The following SLC9A3 variants were observed in gnomAD, a reference collection of about 807,000 sequenced individuals.
The protein encoded by SLC9A3 is sodium/hydrogen exchanger 3.
SLC9A3 carries 37 observed loss-of-function variants against 86.8 expected under a neutral mutation model. That is an observed-to-expected ratio of 0.43 (90% CI 0.33 to 0.56). The LOEUF (loss-of-function observed/expected upper bound fraction) is 0.56, where lower values mean the gene tolerates loss of function less well. SLC9A3 is among the 20% of genes least tolerant of loss of function. The pLI is 0.06. For synonymous variants in SLC9A3, 581 were observed against 528.3 expected, an observed-to-expected ratio of 1.10 and a Z score of -1.37; for missense variants, 1,011 against 1,171.9, an observed-to-expected ratio of 0.86 and a Z score of 2.00.
intron 1 of SLC9A3, 91 bp downstream of exon 1, chr5:524,021 C>G: frequency 1.2e-6 from 1 of 864,158 alleles, no homozygotes; most frequent in Non-Finnish European, 1.6e-6. Flanking sequence ...GCGGCTCCGA[C>G]CTGATGCGCG....
rs557394751 is a variant in SLC9A3, at chr5:496,444, G to C, written c.212-4373C>G. ...GCGTGAACGACCCCGTTCTGTGAAAGTGTCGGCTTGCTCCCCTGCCGGGCA... is the reference window on the plus strand; with the variant it reads ...GCGTGAACGACCCCGTTCTGTGAAACTGTCGGCTTGCTCCCCTGCCGGGCA... On this transcript the variant is annotated intron_variant, in intron 1 of 16. Transcript: ENST00000264938. The surrounding 1 kb of genome is among the most constrained non-coding windows in gnomAD (Gnocchi z 4.7). Among the ~76,000 whole-genome samples the C allele has an allele frequency of 6.6e-6, 1 of 152,254 alleles. No homozygotes were observed. The highest frequency in any genetic ancestry group is 1.5e-5 in the Non-Finnish European group (1 of 68,048).
At chr5:476,463 C>G in intron 12 of SLC9A3, 80 bp downstream of exon 12, 1 of 1,604,136 alleles carries the variant, frequency 6.2e-7, no homozygotes, top group Non-Finnish European at 8.5e-7. Context: ...CACGGATCCC[C>G]CGTGGTCCCA....
chr5:516,348 G>A (rs1018728697), intron 1 of SLC9A3, among the ~76,000 whole-genome samples: 1 of 152,078 alleles, frequency 6.6e-6, no homozygotes, highest in Admixed American at 6.5e-5. Context: ...TGCCCAGAGC[G>A]CTGGCTGCTG....
intron 9 of SLC9A3, among the ~76,000 whole-genome samples, chr5:481,349 C>T (rs552003530): frequency 1.3e-5 from 2 of 152,310 alleles, no homozygotes; most frequent in East Asian, 3.9e-4. Flanking sequence ...AGCTCCTGTC[C>T]CCTCACTCGG....
chr5:480,309 C>T, intron 9 of SLC9A3: 1 of 236,066 alleles, frequency 4.2e-6, no homozygotes, highest in East Asian at 1.1e-4. Context: ...GACAGACACC[C>T]TGAGCCCTTA....
intron 1 of SLC9A3, among the ~76,000 whole-genome samples, chr5:494,772 A>G (rs956158721): frequency 5.9e-5 from 9 of 151,966 alleles, no homozygotes; most frequent in Admixed American, 5.9e-4. Flanking sequence ...GCTGCTGGCG[A>G]CGAGTGCCTA....
In SLC9A3 at chr5:476,297, G is replaced by T; in HGVS notation, c.1972C>A (p.Arg658=). 6.2e-7 allele frequency: 1 copy of T among 1,613,884 alleles called. No homozygotes were observed. Among genetic ancestry groups the T allele is most frequent in the Non-Finnish European group, 8.5e-7 (1 of 1,179,964 alleles). ...QDREIFHRTM[R]KRLESFKSTK... is the part of the protein sequence containing the mutation. ...GACTTGAAGGACTCCAGGCGCTTCC[G>T]CATGGTCCTGTGGAAGATTTCCCGG... Residue 658 remains arginine (R), a synonymous_variant, in exon 13 of 17, where the codon CGG becomes AGG. Coordinates refer to ENST00000264938, the MANE Select transcript of SLC9A3 (RefSeq NM_004174.4).
intron 1 of SLC9A3, among the ~76,000 whole-genome samples, chr5:518,672 G>A (rs578248249): frequency 1.3e-5 from 2 of 152,294 alleles, no homozygotes; most frequent in South Asian, 2.1e-4. Context: ...TGGAGAAGCC[G>A]GCAGTGGGGG....
chr5:507,076 A>AT (rs1740615591), intron 1 of SLC9A3, among the ~76,000 whole-genome samples: 5 of 88,408 alleles, frequency 5.7e-5, no homozygotes, highest in Non-Finnish European at 9.5e-5. Context: ...TACTGTCTCA[A>AT]AAAATAAATA....
At chr5:512,145 G>T (rs931402469) in intron 1 of SLC9A3, among the ~76,000 whole-genome samples, 1 of 152,170 alleles carries the variant, frequency 6.6e-6, no homozygotes, top group Non-Finnish European at 1.5e-5. Flanking sequence ...AGATTTTTAG[G>T]GCAGTGAAGC....
Position 524,132 on chromosome 5 carries a change from A to G in SLC9A3, c.191T>C (p.Val64Ala). 2 of 1,528,108 alleles carry G rather than the reference A, an allele frequency of 1.3e-6. No individual in the cohort carries two copies. Among genetic ancestry groups the G allele is most frequent in the South Asian group, 1.2e-5 (1 of 81,408 alleles). The allele number at this position is 1,528,108 out of a possible 1,614,324, so 94.7% of individuals were successfully genotyped here. ...CTTACCGATCTTGGCCAAGCTGGCC[A>G]CGAGGATCCAGAGCGCGATGACGTA... ...DPYVIALWIL[V>A]ASLAKIGFHL... Residue 64 changes from valine to alanine, a missense_variant, in exon 1 of 17, where the codon GTG (valine) becomes GCG (alanine). By Grantham distance (64) the Val-to-Ala change is moderately conservative. This residue lies in a region of SLC9A3 where 565 missense variants were observed against 790.0 expected (regional missense o/e 0.72). Coordinates refer to ENST00000264938, the MANE Select transcript of SLC9A3 (RefSeq NM_004174.4).
Position 475,144 on chromosome 5 carries a change from G to A in SLC9A3, c.2252-12C>T, listed in dbSNP as rs997996365. On this transcript the variant is annotated splice_polypyrimidine_tract_variant and intron_variant, in intron 15 of 16. Transcript: ENST00000264938. ...AGGGTTGTCAATTCCTAGGAGAGAG[G>A]GCAGCGGCTAGTCAGCCTTCGGAGA... 3 of 1,562,732 alleles carry A rather than the reference G, an allele frequency of 1.9e-6. No homozygotes were observed. Among genetic ancestry groups the A allele is most frequent in the South Asian group, 1.2e-5 (1 of 85,290 alleles).
chr5:482,077 C>G lies in SLC9A3; in HGVS notation c.1437G>C (p.Leu479=). The G allele has an allele frequency of 6.4e-7, 1 of 1,572,184 alleles. No individual in the cohort carries two copies. Among genetic ancestry groups the G allele is most frequent in the Non-Finnish European group, 8.7e-7 (1 of 1,150,022 alleles). The part of the protein sequence containing the change: ...EHREPRLNEK[L]HGRAFDHILS... ...CCAGCCCCGCACTTACGCGCCCGTG[C>G]AGCTTCTCGTTGAGCCGAGGTTCCC... is the stretch of plus-strand genomic sequence containing the variant. The change falls in exon 8 of 17, where the codon CTG becomes CTC. Residue 479 remains leucine (L), a synonymous_variant. Transcript: ENST00000264938.
chr5:479,866 G>C lies in SLC9A3; in HGVS notation c.1617C>G (p.Asn539Lys), dbSNP rs1410981305. The C allele has an allele frequency of 6.2e-7, 1 of 1,613,842 alleles. No homozygotes were observed. The highest frequency in any genetic ancestry group is 1.7e-5 in the Admixed American group (1 of 60,022). Residue 539 changes from asparagine (N) to lysine (K), a missense_variant, in exon 10 of 17, where the codon AAC (asparagine) becomes AAG (lysine). Around this residue, in one of 3 missense-constraint regions of SLC9A3, gnomAD observed 565 missense variants for 790.0 expected, o/e 0.72. Transcript: ENST00000264938. ...DRILNVFHEL[N>K]LKDAISYVAE... Reference sequence around the variant, plus strand: ...CCACGTAGCTGATGGCATCCTTCAGGTTCAGCTCGTGGAAGACATTCAGGA... The same window carrying C: ...CCACGTAGCTGATGGCATCCTTCAGCTTCAGCTCGTGGAAGACATTCAGGA...
In SLC9A3 at chr5:504,900, G is replaced by A. The variant is rs369364483; in HGVS notation, c.212-12829C>T. Among the ~76,000 whole-genome samples the A allele has an allele frequency of 1.9e-3, 296 of 152,008 alleles. 3 individuals carry two copies. The Middle Eastern group carries it at 0.024, about 12-fold the overall frequency. ...GGCTAGCAAAGTGGCTCCCAGACCCGGACGCCTGTGCCTGGAAGAGCAGCA... is the reference window on the plus strand; with the variant it reads ...GGCTAGCAAAGTGGCTCCCAGACCCAGACGCCTGTGCCTGGAAGAGCAGCA... On this transcript the variant is annotated intron_variant, in intron 1 of 16. Transcript: ENST00000264938.
At chr5:490,919 A>C (rs1579792845) in intron 2 of SLC9A3, among the ~76,000 whole-genome samples, 2 of 152,260 alleles carry the variant, frequency 1.3e-5, no homozygotes, top group East Asian at 3.9e-4. Flanking sequence ...GTGCTGGGTG[A>C]GGCGGCCCCA....
In SLC9A3 at chr5:471,968, G is replaced by A; in HGVS notation, c.*1411C>T. 2.2e-6 allele frequency: 1 copy of A among 456,666 alleles called. No individual in the cohort carries two copies. The highest frequency in any genetic ancestry group is 4.4e-6 in the Non-Finnish European group (1 of 226,970). 28.3% of individuals were successfully genotyped at this position (456,666 alleles called of 1,614,324 possible). On this transcript the variant is annotated 3_prime_UTR_variant, in exon 17 of 17. Coordinates refer to ENST00000264938, the MANE Select transcript of SLC9A3 (RefSeq NM_004174.4). Reference sequence around the variant, plus strand: ...ACTGGTGACTGTCAACACTTGATCTGAAACGTGAATAGTTTAATTTTCCTG... The same window carrying A: ...ACTGGTGACTGTCAACACTTGATCTAAAACGTGAATAGTTTAATTTTCCTG...
Position 496,795 on chromosome 5 carries a change from C to T in SLC9A3, c.212-4724G>A, listed in dbSNP as rs917998170. ...ACTTAGTGGTTCACACCTGTAATCC[C>T]AATACAACAGTTTGGGAGGCCAAGG... is the stretch of plus-strand genomic sequence containing the variant. On this transcript the variant is annotated intron_variant, in intron 1 of 16. Transcript: ENST00000264938. This position sits in a 1 kb window ranked among gnomAD's most constrained non-coding sequence, Gnocchi z 4.7. 3.3e-5 allele frequency among the ~76,000 whole-genome samples: 5 copies of T among 152,052 alleles called. No homozygotes were observed. The highest frequency in any genetic ancestry group is 5.9e-5 in the Non-Finnish European group (4 of 68,028).
At chr5:488,172 GA>G in intron 3 of SLC9A3, 143 bp downstream of exon 3, 1 of 818,226 alleles carries the variant, frequency 1.2e-6, no homozygotes, top group Non-Finnish European at 2.0e-6. Flanking sequence ...TGGGAGGAAG[GA>G]GGTGGAGGGA....
Sources: allele counts gnomAD v4.1 joint callset (sites outside exome capture counted in the v4.1 genomes callset), GRCh38; gene constraint gnomAD v4.1.1; regional missense constraint gnomAD v4.1.1; non-coding constraint Gnocchi (gnomAD v3.1); transcripts MANE v1.5; gene names NCBI Gene and HGNC (gene_info 2026-07-23, HGNC 2026-07-21).